Variants in DNAH3 observed in about 807,000 individuals in gnomAD.
The protein encoded by DNAH3 is dynein axonemal heavy chain 3, also known as axonemal beta dynein heavy chain 3.
Under a neutral mutation model 432.5 loss-of-function variants are expected in DNAH3, and 332 were observed. The ratio of observed to expected loss-of-function variants is 0.77; its 90% confidence interval spans 0.70 to 0.84. DNAH3 has a LOEUF of 0.84. Among genes scored for constraint, DNAH3 ranks in the 40% least tolerant of loss-of-function variants. DNAH3 has a pLI of 0.00. For synonymous variants in DNAH3, 1,956 were observed against 1,900.2 expected, an observed-to-expected ratio of 1.03 and a Z score of -0.76; for missense variants, 4,861 against 5,114.0, an observed-to-expected ratio of 0.95 and a Z score of 1.51.
intron 41 of DNAH3, 73 bp downstream of exon 41, chr16:21,019,551 C>T: frequency 1.3e-6 from 2 of 1,563,074 alleles, no homozygotes; most frequent in East Asian, 4.5e-5. Context: ...CACCTGTCTG[C>T]ACATTCTGGT....
At position 20,990,427 on chromosome 16, in the gene DNAH3, T is replaced by C. The variant is rs1435912938; in HGVS notation, c.6602-2362A>G. Among the ~76,000 whole-genome samples, 43 of 152,194 alleles carry C rather than the reference T, an allele frequency of 2.8e-4. 1 individual carries two copies. The highest frequency in any genetic ancestry group is 2.9e-5 in the Non-Finnish European group (2 of 68,032). On this transcript the variant is annotated intron_variant, in intron 44 of 61. Coordinates refer to ENST00000261383, the Ensembl canonical transcript of DNAH3. The stretch of plus-strand genomic sequence containing the variant: ...ACTCACATATTGTACCATTCACCCA[T>C]TTAAAGTACAATTATTCAATGATTT...
intron 1 of DNAH3, among the ~76,000 whole-genome samples, chr16:21,151,828 C>T (rs1333781498): frequency 6.6e-6 from 1 of 152,182 alleles, no homozygotes; most frequent in Non-Finnish European, 1.5e-5. Flanking sequence ...TCTCTCAAAA[C>T]CAAGTTAGAC....
chr16:21,153,354 C>T (rs1031588831), intron 1 of DNAH3, among the ~76,000 whole-genome samples: 5 of 152,018 alleles, frequency 3.3e-5, no homozygotes, highest in Non-Finnish European at 5.9e-5. Context: ...TCTGGTGGGG[C>T]CTTGGAGAAC....
At chr16:21,146,354 G>A (rs1033289538) in intron 1 of DNAH3, among the ~76,000 whole-genome samples, 5 of 152,064 alleles carry the variant, frequency 3.3e-5, no homozygotes, top group African/African-American at 1.2e-4. Context: ...TCAGGAGTTC[G>A]AGACCAGCCT....
chr16:21,130,037 C>T (rs1056072848), intron 7 of DNAH3: 1 of 143,788 alleles, frequency 7.0e-6, no homozygotes, highest in Middle Eastern at 3.7e-3. Flanking sequence ...AGCACATAAC[C>T]AGGACCTGGC....
At chr16:20,997,449 C>T in exon 44 of DNAH3, 1 of 1,613,984 alleles carries the variant, frequency 6.2e-7, no homozygotes, top group Non-Finnish European at 8.5e-7. Flanking sequence ...CTTTGGCTGG[C>T]ATGTTGAGGT....
intron 1 of DNAH3, among the ~76,000 whole-genome samples, chr16:21,147,556 TTCAC>T (rs1019115485): frequency 1.3e-5 from 2 of 152,194 alleles, no homozygotes; most frequent in Non-Finnish European, 2.9e-5. Flanking sequence ...CAAAGAGAAA[TTCAC>T]TCAGGCAGTG....
chr16:20,963,964 C>A (rs893883832), exon 53 of DNAH3: 1 of 1,614,000 alleles, frequency 6.2e-7, no homozygotes, highest in African/African-American at 1.3e-5. Context: ...GTCCGAGATA[C>A]AAAAGAAGAT....
chr16:21,052,446 C>T (rs974835155), intron 28 of DNAH3, among the ~76,000 whole-genome samples: 8 of 152,210 alleles, frequency 5.3e-5, no homozygotes, highest in Non-Finnish European at 1.0e-4. Flanking sequence ...TTAAAAGGTG[C>T]GTGCTCTGAA....
At chr16:21,148,591 G>A (rs2092816109) in intron 1 of DNAH3, among the ~76,000 whole-genome samples, 1 of 152,096 alleles carries the variant, frequency 6.6e-6, no homozygotes, top group Non-Finnish European at 1.5e-5. Context: ...CAAACTGACA[G>A]GGACGCTGTT....
intron 11 of DNAH3, among the ~76,000 whole-genome samples, chr16:21,118,871 G>C (rs1232290641): frequency 6.6e-6 from 1 of 152,192 alleles, no homozygotes; most frequent in African/African-American, 2.4e-5. Context: ...TTCCTGCCTG[G>C]GACCCATTGT....
chr16:21,034,605 G>C (rs374933918), intron 35 of DNAH3, among the ~76,000 whole-genome samples: 1 of 152,128 alleles, frequency 6.6e-6, no homozygotes, highest in African/African-American at 2.4e-5. Context: ...TAACTGCTTT[G>C]GTCATTTGCA....
chr16:21,024,291 G>A (rs2088420657), intron 39 of DNAH3, among the ~76,000 whole-genome samples: 1 of 152,140 alleles, frequency 6.6e-6, no homozygotes, highest in Non-Finnish European at 1.5e-5. Context: ...TGAAGAAAGA[G>A]GTGACATTTC....
intron 24 of DNAH3, among the ~76,000 whole-genome samples, chr16:21,063,468 TTTTA>T (rs1053875316): frequency 1.8e-4 from 27 of 150,372 alleles, no homozygotes; most frequent in South Asian, 1.0e-3. Context: ...CTTTTATTTA[TTTTA>T]TTTATTTTTT....
At chr16:20,952,904 G>A (rs1024536778) in intron 55 of DNAH3, among the ~76,000 whole-genome samples, 1 of 152,134 alleles carries the variant, frequency 6.6e-6, no homozygotes, top group African/African-American at 2.4e-5. Flanking sequence ...CAGGAGCTAC[G>A]ACTGGGCAAC....
At position 21,055,236 on chromosome 16, in the gene DNAH3, A is replaced by G. The variant is rs141760452; in HGVS notation, c.3925-702T>C. Among the ~76,000 whole-genome samples the G allele has an allele frequency of 1.4e-4, 22 of 152,288 alleles. No individual in the cohort carries two copies. In the East Asian group the frequency reaches 3.7e-3, roughly 25 times the overall value. On this transcript the variant is annotated intron_variant, in intron 27 of 61. Coordinates refer to ENST00000261383, the Ensembl canonical transcript of DNAH3. Reference sequence around the variant, plus strand: ...ACACTCAGCTAATCTTTGTATGTTTAGTAGAGATGGGGTTTTGCCATGTTG... The same window carrying G: ...ACACTCAGCTAATCTTTGTATGTTTGGTAGAGATGGGGTTTTGCCATGTTG...
intron 23 of DNAH3, 134 bp from the exon 24 acceptor site, chr16:21,067,553 C>T (rs1014732374): frequency 2.3e-5 from 20 of 883,186 alleles, no homozygotes; most frequent in African/African-American, 1.8e-4. Context: ...CCCCTCCTAA[C>T]TGCACAGGGG....
chr16:20,965,277 G>C, exon 53 of DNAH3: 3 of 1,613,604 alleles, frequency 1.9e-6, no homozygotes, highest in Non-Finnish European at 2.5e-6. Flanking sequence ...CAGCTGGCTG[G>C]AATTCCGGGT....
At chr16:21,059,886 A>T (rs2090284613) in intron 26 of DNAH3, among the ~76,000 whole-genome samples, 1 of 152,134 alleles carries the variant, frequency 6.6e-6, no homozygotes, top group Non-Finnish European at 1.5e-5. Context: ...CTTACGTCAT[A>T]CCTATTTCCC....
Sources: gnomAD v4.1 joint callset for allele counts (sites outside exome capture counted in the v4.1 genomes callset) on GRCh38, gnomAD v4.1.1 for gene constraint, MANE v1.5 for transcripts, NCBI Gene and HGNC (gene_info 2026-07-23, HGNC 2026-07-21) for gene names.